KLHL7: variants seen among roughly 807,000 people sequenced by gnomAD.
The protein encoded by KLHL7 is kelch-like protein 7.
In KLHL7, 44 loss-of-function variants were observed where a neutral mutation model predicts 67.4. The ratio of observed to expected loss-of-function variants is 0.65; its 90% confidence interval spans 0.51 to 0.84. The LOEUF (loss-of-function observed/expected upper bound fraction) is 0.84. Ranked by LOEUF, KLHL7 falls within the 40% of genes least tolerant of loss-of-function variation. The pLI is 0.00. For missense variants in KLHL7, 362 were observed against 718.1 expected (o/e 0.50, Z 5.67); for synonymous variants, 252 against 243.3 (o/e 1.04, Z -0.33).
chr7:23,126,018 C>T, intron 4 of KLHL7: 2 of 706,892 alleles, frequency 2.8e-6, no homozygotes, highest in Non-Finnish European at 2.5e-6. Flanking sequence ...AGATTAACAA[C>T]AATAATAATA....
At chr7:23,119,244 G>T (rs10255228) in intron 1 of KLHL7, among the ~76,000 whole-genome samples, 65,727 of 151,808 alleles carry the variant, frequency 0.43, 15,662 homozygotes, top group African/African-American at 0.64. Flanking sequence ...TCGCTCTGTT[G>T]TCTAGGCTGG....
At position 23,167,945 on chromosome 7, in the gene KLHL7, T is replaced by C. The variant is rs772536966; in HGVS notation, c.1287T>C (p.Asn429=). The change falls in exon 9 of 11, where the codon AAT becomes AAC. Residue 429 remains asparagine, a synonymous_variant. Coordinates refer to ENST00000339077, the MANE Select transcript of KLHL7 (RefSeq NM_001031710.3). Reference sequence around the variant, plus strand: ...GCAGCCATGGGATGGTGGAAGCCAATGGCCTAATCTATGTTTGTGGTGGAA... The same window carrying C: ...GCAGCCATGGGATGGTGGAAGCCAACGGCCTAATCTATGTTTGTGGTGGAA... The part of the protein sequence containing the change: ...QRCSHGMVEA[N]GLIYVCGGSL... 4 of 1,614,250 alleles carry C rather than the reference T, an allele frequency of 2.5e-6. No individual in the cohort carries two copies. Among genetic ancestry groups the C allele is most frequent in the Non-Finnish European group, 3.4e-6 (4 of 1,180,034 alleles).
At chr7:23,160,708 G>C (rs1784831906) in intron 7 of KLHL7, among the ~76,000 whole-genome samples, 1 of 152,066 alleles carries the variant, frequency 6.6e-6, no homozygotes, top group Non-Finnish European at 1.5e-5. Context: ...GAGTTACAAG[G>C]ATATTTTTCC....
In KLHL7 at chr7:23,105,963, G is replaced by A. The variant is rs1164267068; in HGVS notation, c.-64G>A. Reference sequence around the variant, plus strand: ...GTTTGGTCGATAGAATCCCCAGTGTGCCCAGAGAGTGCGACCCCTCGCCCG... The same window carrying A: ...GTTTGGTCGATAGAATCCCCAGTGTACCCAGAGAGTGCGACCCCTCGCCCG... On this transcript the variant is annotated 5_prime_UTR_variant, in exon 1 of 11. Transcript: ENST00000339077. 1 of 1,579,020 alleles carries A rather than the reference G, an allele frequency of 6.3e-7. No individual in the cohort carries two copies. Among genetic ancestry groups the A allele is most frequent in the Non-Finnish European group, 8.6e-7 (1 of 1,166,734 alleles).
At chr7:23,115,808 G>T (rs145615832) in intron 1 of KLHL7, among the ~76,000 whole-genome samples, 2 of 152,266 alleles carry the variant, frequency 1.3e-5, no homozygotes, top group African/African-American at 4.8e-5. Context: ...CTCCCAAAGT[G>T]CTGGGATTAC....
At chr7:23,147,507 C>A (rs1784396577) in intron 6 of KLHL7, among the ~76,000 whole-genome samples, 1 of 152,144 alleles carries the variant, frequency 6.6e-6, no homozygotes, top group African/African-American at 2.4e-5. Context: ...TATCTGAAGT[C>A]CCTGAGGAAC....
chr7:23,143,733 C>A, intron 5 of KLHL7, 118 bp from the exon 6 acceptor site: 2 of 1,047,940 alleles, frequency 1.9e-6, no homozygotes, highest in Non-Finnish European at 3.0e-6. Context: ...ATGAAAAATA[C>A]TAGAAATAAG....
At chr7:23,133,967 C>A (rs1230762861) in intron 4 of KLHL7, among the ~76,000 whole-genome samples, 1 of 152,150 alleles carries the variant, frequency 6.6e-6, no homozygotes, top group Non-Finnish European at 1.5e-5. Flanking sequence ...ATTGCTCTAG[C>A]TAGGACTTCC....
chr7:23,150,429 T>A (rs1282838181), intron 6 of KLHL7, among the ~76,000 whole-genome samples: 1 of 152,172 alleles, frequency 6.6e-6, no homozygotes, highest in African/African-American at 2.4e-5. Flanking sequence ...AAATATACAT[T>A]TTTAACACAA....
chr7:23,155,578 C>T (rs953357940), intron 7 of KLHL7, among the ~76,000 whole-genome samples: 7 of 151,692 alleles, frequency 4.6e-5, no homozygotes, highest in African/African-American at 9.7e-5. Flanking sequence ...GCAGGATAAT[C>T]GCTTGAACCC....
In KLHL7 at chr7:23,143,843, C is replaced by G. The variant is rs370934491; in HGVS notation, c.619-8C>G. The G allele has an allele frequency of 5.5e-5, 88 of 1,613,726 alleles. No individual in the cohort carries two copies. The highest frequency in any genetic ancestry group is 7.1e-5 in the Non-Finnish European group (84 of 1,179,860). On this transcript the variant is annotated splice_region_variant and splice_polypyrimidine_tract_variant and intron_variant, in intron 5 of 10. Transcript: ENST00000339077. ...TAAGAACTTTACTGTGCTGTTTTTC[C>G]CCCTTAGGTTTATGATGCTGCAGTC...
intron 4 of KLHL7, among the ~76,000 whole-genome samples, chr7:23,140,133 T>C (rs1032026268): frequency 6.6e-6 from 1 of 152,246 alleles, no homozygotes; most frequent in African/African-American, 2.4e-5. Flanking sequence ...GCAATTCTGA[T>C]TAATATCACA....
chr7:23,118,797 T>C (rs1437254451), intron 1 of KLHL7, among the ~76,000 whole-genome samples: 1 of 152,042 alleles, frequency 6.6e-6, no homozygotes, highest in Non-Finnish European at 1.5e-5. Context: ...TTGAGCCAGG[T>C]GTGGTAGCTC....
At chr7:23,164,547 A>T (rs939416355) in intron 7 of KLHL7, among the ~76,000 whole-genome samples, 1 of 152,170 alleles carries the variant, frequency 6.6e-6, no homozygotes, top group African/African-American at 2.4e-5. Flanking sequence ...CGAACATGTT[A>T]TGTTTATCAC....
Position 23,140,894 on chromosome 7 carries a change from G to A in KLHL7, c.568G>A (p.Val190Ile). The A allele has an allele frequency of 6.2e-7, 1 of 1,614,026 alleles. No homozygotes were observed. The highest frequency in any genetic ancestry group is 8.5e-7 in the Non-Finnish European group (1 of 1,179,978). ...DEFLQLDVKR[V>I]THLLNQDTLT... Reference sequence around the variant, plus strand: ...ATTTCTTCAACTTGATGTCAAGCGAGTAACACATCTTCTCAACCAGGACAC... The same window carrying A: ...ATTTCTTCAACTTGATGTCAAGCGAATAACACATCTTCTCAACCAGGACAC... Residue 190 changes from valine to isoleucine, a missense_variant, in exon 5 of 11, where the codon GTA (valine) becomes ATA (isoleucine). Val to Ile is a conservative substitution (Grantham distance 29). Around this residue, in one of 5 missense-constraint regions of KLHL7, gnomAD observed 155 missense variants for 280.8 expected, o/e 0.55. Transcript: ENST00000339077.
At chr7:23,114,346 T>G (rs1782999977) in intron 1 of KLHL7, among the ~76,000 whole-genome samples, 1 of 152,240 alleles carries the variant, frequency 6.6e-6, no homozygotes, top group Non-Finnish European at 1.5e-5. Context: ...TTTCCAACTT[T>G]GTTTTATGAG....
intron 5 of KLHL7, among the ~76,000 whole-genome samples, 180 bp downstream of exon 5, chr7:23,141,124 C>T (rs912339014): frequency 6.6e-6 from 1 of 152,184 alleles, no homozygotes; most frequent in Admixed American, 6.5e-5. Context: ...AAATAGGCCA[C>T]TTCATAGAGA....
At chr7:23,161,453 G>A (rs1415007081) in intron 7 of KLHL7, among the ~76,000 whole-genome samples, 1 of 152,184 alleles carries the variant, frequency 6.6e-6, no homozygotes, top group Non-Finnish European at 1.5e-5. Flanking sequence ...CTCCTGCAGT[G>A]AATTACCTTT....
chr7:23,173,467 G>T (rs912622589), intron 10 of KLHL7, among the ~76,000 whole-genome samples: 1 of 152,144 alleles, frequency 6.6e-6, no homozygotes, highest in African/African-American at 2.4e-5. Flanking sequence ...TATCAATATT[G>T]TAATTTTTAA....
Sources: gnomAD v4.1 joint callset for allele counts (sites outside exome capture counted in the v4.1 genomes callset) on GRCh38, gnomAD v4.1.1 for gene constraint, gnomAD v4.1.1 regional missense constraint, MANE v1.5 for transcripts, NCBI Gene and HGNC (gene_info 2026-07-23, HGNC 2026-07-21) for gene names.